The following SRRM4 variants were observed in gnomAD, a reference collection of about 807,000 sequenced individuals.
SRRM4 encodes the protein serine/arginine repetitive matrix 4.
Under a neutral mutation model 68.9 loss-of-function variants are expected in SRRM4, and 33 were observed. That is an observed-to-expected ratio of 0.48 (90% CI 0.36 to 0.64). The LOEUF (loss-of-function observed/expected upper bound fraction) is 0.64. Ranked by LOEUF, SRRM4 falls within the 30% of genes least tolerant of loss-of-function variation. The pLI is 0.00. For synonymous variants in SRRM4, 318 were observed against 318.8 expected (o/e 1.00, Z 0.03); for missense variants, 817 against 827.1 (o/e 0.99, Z 0.15).
chr12:119,128,130 A>C (rs1954272585), intron 7 of SRRM4, among the ~76,000 whole-genome samples: 1 of 152,176 alleles, frequency 6.6e-6, no homozygotes, highest in South Asian at 2.1e-4. Flanking sequence ...TCTGCTGAAC[A>C]TCAATAATTT....
At chr12:118,986,007 C>T (rs564678560) in intron 1 of SRRM4, among the ~76,000 whole-genome samples, 36 of 152,220 alleles carry the variant, frequency 2.4e-4, no homozygotes, top group African/African-American at 7.7e-4. Context: ...ATCCTTTCTA[C>T]GCAGAATAGA....
intron 1 of SRRM4, among the ~76,000 whole-genome samples, chr12:119,039,111 A>G (rs1694212191): frequency 6.6e-6 from 1 of 152,246 alleles, no homozygotes; most frequent in South Asian, 2.1e-4. Flanking sequence ...TTTTTGGAAT[A>G]TGCTAAGAGT....
intron 1 of SRRM4, among the ~76,000 whole-genome samples, chr12:118,987,201 G>A (rs1397572862): frequency 6.6e-6 from 1 of 152,186 alleles, no homozygotes; most frequent in Non-Finnish European, 1.5e-5. Context: ...ATACTCCTCT[G>A]TTGGGGTTGT....
At chr12:119,074,015 A>T (rs950677400) in intron 1 of SRRM4, among the ~76,000 whole-genome samples, 12 of 152,144 alleles carry the variant, frequency 7.9e-5, no homozygotes, top group African/African-American at 2.9e-4. Context: ...TAATATATGT[A>T]AAGTGTTTTT....
At chr12:118,982,899 A>G (rs1386313021) in intron 1 of SRRM4, among the ~76,000 whole-genome samples, 1 of 152,040 alleles carries the variant, frequency 6.6e-6, no homozygotes, top group East Asian at 1.9e-4. Context: ...AAATCATTCA[A>G]TTTAGAGGAG....
chr12:119,130,419 ATGGATGG>A (rs1954289452), intron 7 of SRRM4, among the ~76,000 whole-genome samples: 1 of 146,274 alleles, frequency 6.8e-6, no homozygotes, highest in East Asian at 2.0e-4. Context: ...AGATGGATGG[ATGGATGG>A]ATGGATGGAT....
At chr12:119,008,130 A>G (rs1953426892) in intron 1 of SRRM4, among the ~76,000 whole-genome samples, 1 of 152,152 alleles carries the variant, frequency 6.6e-6, no homozygotes, top group Non-Finnish European at 1.5e-5. Context: ...GGCCTGGAGC[A>G]GTGGCTCATG....
At chr12:119,028,321 C>T (rs1594033654) in intron 1 of SRRM4, among the ~76,000 whole-genome samples, 1 of 152,144 alleles carries the variant, frequency 6.6e-6, no homozygotes, top group East Asian at 1.9e-4. Context: ...TGAATTGCAG[C>T]TCCCACAATT....
intron 9 of SRRM4, among the ~76,000 whole-genome samples, chr12:119,150,087 A>C (rs1335547924): frequency 6.6e-6 from 1 of 152,228 alleles, no homozygotes; most frequent in Non-Finnish European, 1.5e-5. Flanking sequence ...ATATCCATGT[A>C]CTACTGATAT....
At chr12:119,059,661 A>G (rs757455438) in intron 1 of SRRM4, among the ~76,000 whole-genome samples, 2 of 152,180 alleles carry the variant, frequency 1.3e-5, no homozygotes, top group Non-Finnish European at 2.9e-5. Context: ...GCTGTGCAAC[A>G]TAAGGGACAT....
chr12:119,147,721 C>G (rs1235274703), intron 9 of SRRM4, among the ~76,000 whole-genome samples: 1 of 152,156 alleles, frequency 6.6e-6, no homozygotes, highest in African/African-American at 2.4e-5. Context: ...CATTTTTTTA[C>G]CCATCTTAAC....
chr12:119,023,965 C>A (rs779327067), intron 1 of SRRM4, among the ~76,000 whole-genome samples: 13 of 152,196 alleles, frequency 8.5e-5, no homozygotes, highest in Non-Finnish European at 1.5e-4. Context: ...TCTCTTCTTG[C>A]AGATGAGACC....
chr12:119,057,493 G>A (rs981237235), intron 1 of SRRM4, among the ~76,000 whole-genome samples: 1 of 152,190 alleles, frequency 6.6e-6, no homozygotes, highest in Admixed American at 6.5e-5. Context: ...ACAGCTTCCA[G>A]CTCCAACCGT....
chr12:119,134,724 G>A (rs1954317890), intron 8 of SRRM4, among the ~76,000 whole-genome samples: 1 of 152,170 alleles, frequency 6.6e-6, no homozygotes, highest in African/African-American at 2.4e-5. Context: ...TGGTGGGGCA[G>A]TACCCACAAC....
At position 119,102,251 on chromosome 12, in the gene SRRM4, T is replaced by C; in HGVS notation, c.147T>C (p.Asn49=). Residue 49 remains asparagine, a synonymous_variant, in exon 2 of 13, where the codon AAT becomes AAC. Transcript: ENST00000267260. ...RKPLPRTEPQ[N]NPVVPAQDGP... ...TCTTCTGTAGGACAGAGCCCCAGAA[T>C]AACCCCGTTGTCCCAGCTCAGGATG... The C allele has an allele frequency of 6.2e-7, 1 of 1,613,494 alleles. No homozygotes were observed. Among genetic ancestry groups the C allele is most frequent in the South Asian group, 1.1e-5 (1 of 91,032 alleles).
intron 1 of SRRM4, among the ~76,000 whole-genome samples, chr12:119,078,666 T>TC (rs1260989242): frequency 6.6e-6 from 1 of 152,156 alleles, no homozygotes; most frequent in Non-Finnish European, 1.5e-5. Flanking sequence ...ATGCCTGTAA[T>TC]CCCAGCACTT....
intron 12 of SRRM4, among the ~76,000 whole-genome samples, chr12:119,155,004 A>G (rs1306826124): frequency 6.6e-6 from 1 of 152,152 alleles, no homozygotes. Flanking sequence ...AAAGGCTCTT[A>G]CCTTCCTGAG....
chr12:119,113,821 T>A (rs988753142), intron 2 of SRRM4, among the ~76,000 whole-genome samples: 1 of 152,188 alleles, frequency 6.6e-6, no homozygotes, highest in African/African-American at 2.4e-5. Flanking sequence ...TCTCGTTACA[T>A]TAGACCTTGG....
chr12:119,026,018 G>A (rs1361906989), intron 1 of SRRM4, among the ~76,000 whole-genome samples: 1 of 151,952 alleles, frequency 6.6e-6, no homozygotes, highest in African/African-American at 2.4e-5. Flanking sequence ...GCAACCTGTG[G>A]GAGGTTTGAT....
Sources: allele counts gnomAD v4.1 joint callset (sites outside exome capture counted in the v4.1 genomes callset), GRCh38; gene constraint gnomAD v4.1.1; transcripts MANE v1.5; gene names NCBI Gene and HGNC (gene_info 2026-07-23, HGNC 2026-07-21).